Variants in CSMD1 observed in about 807,000 individuals in gnomAD.
CSMD1 encodes CUB and Sushi multiple domains 1, also known as CUB and sushi domain-containing protein 1.
CSMD1 carries 213 observed loss-of-function variants against 417.5 expected under a neutral mutation model. That is an observed-to-expected ratio of 0.51 (90% CI 0.46 to 0.57). The LOEUF (loss-of-function observed/expected upper bound fraction) is 0.57. CSMD1 is among the 20% of genes least tolerant of loss of function. The pLI is 0.00. For missense variants in CSMD1, 6,923 were observed against 4,529.7 expected (o/e 1.53, Z -15.17); for synonymous variants, 2,862 against 1,736.8 (o/e 1.65, Z -16.11).
intron 3 of CSMD1, among the ~76,000 whole-genome samples, chr8:4,238,217 A>C (rs986783493): frequency 6.6e-6 from 1 of 152,150 alleles, no homozygotes; most frequent in Non-Finnish European, 1.5e-5. Context: ...CCCACCCTAT[A>C]AAATGGGCTG....
At chr8:3,510,690 T>A (rs1797027845) in intron 10 of CSMD1, among the ~76,000 whole-genome samples, 1 of 151,944 alleles carries the variant, frequency 6.6e-6, no homozygotes, top group African/African-American at 2.4e-5. Context: ...TACTTTTTAA[T>A]GATTGCCATT....
chr8:3,497,488 C>A (rs188457128), intron 10 of CSMD1, among the ~76,000 whole-genome samples: 1 of 152,256 alleles, frequency 6.6e-6, no homozygotes, highest in African/African-American at 2.4e-5. Flanking sequence ...CTCACTGCAA[C>A]CTGTCTCCTG....
chr8:2,981,813 T>C (rs752599001), intron 54 of CSMD1, among the ~76,000 whole-genome samples: 3 of 152,092 alleles, frequency 2.0e-5, no homozygotes, highest in African/African-American at 7.2e-5. Flanking sequence ...ACAATGACAA[T>C]TGAACTAGAA....
chr8:3,661,609 G>C lies in CSMD1; in HGVS notation c.1010-44812C>G, dbSNP rs534746118. Among the ~76,000 whole-genome samples, 3 of 151,912 alleles carry C rather than the reference G, an allele frequency of 2.0e-5. No individual in the cohort carries two copies. The South Asian group carries it at 6.2e-4, about 32-fold the overall frequency. On this transcript the variant is annotated intron_variant, in intron 7 of 69. Transcript: ENST00000635120. ...CCTCCCGGGTTCAAGTGATTCTCCC[G>C]CCTCAGCCTCCCAAGTAGTTGGCAT...
chr8:4,929,815 A>T (rs1807125020), intron 1 of CSMD1, among the ~76,000 whole-genome samples: 1 of 152,174 alleles, frequency 6.6e-6, no homozygotes, highest in Non-Finnish European at 1.5e-5. Context: ...CCACAACCAC[A>T]TTCCCTCACT....
At chr8:4,183,524 T>A (rs1057107967) in intron 3 of CSMD1, among the ~76,000 whole-genome samples, 4 of 152,216 alleles carry the variant, frequency 2.6e-5, no homozygotes, top group African/African-American at 9.6e-5. Flanking sequence ...CAGACATTAC[T>A]GGTTTATTTG....
intron 4 of CSMD1, among the ~76,000 whole-genome samples, chr8:4,028,060 T>C (rs977539467): frequency 3.9e-5 from 6 of 152,112 alleles, no homozygotes; most frequent in Non-Finnish European, 8.8e-5. Flanking sequence ...GCCACCACTG[T>C]TTTGACAACA....
intron 21 of CSMD1, 136 bp from the exon 22 acceptor site, chr8:3,348,297 G>C (rs1368548254): frequency 1.6e-5 from 10 of 635,730 alleles, no homozygotes; most frequent in South Asian, 1.1e-4. Context: ...TTTCAAAATA[G>C]ATCAGTGATT....
At chr8:4,142,548 A>G (rs934824596) in intron 3 of CSMD1, among the ~76,000 whole-genome samples, 5 of 151,356 alleles carry the variant, frequency 3.3e-5, no homozygotes, top group African/African-American at 4.9e-5. Context: ...ATGTTCAGAC[A>G]CTAAAATGAC....
rs748294805 is a variant in CSMD1, at chr8:3,181,232, G to A, written c.5621-18C>T. On this transcript the variant is annotated intron_variant, in intron 36 of 69. Coordinates refer to ENST00000635120, the MANE Select transcript of CSMD1 (RefSeq NM_033225.6). Reference sequence around the variant, plus strand: ...TGTGGTGCCTGTAAGAAACAATGCAGATAGAATTGTAACACTACAAATACA... The same window carrying A: ...TGTGGTGCCTGTAAGAAACAATGCAAATAGAATTGTAACACTACAAATACA... 6.6e-7 allele frequency: 1 copy of A among 1,522,770 alleles called. No individual in the cohort carries two copies. Among genetic ancestry groups the A allele is most frequent in the Non-Finnish European group, 9.1e-7 (1 of 1,098,408 alleles). 94.3% of individuals were successfully genotyped at this position (1,522,770 alleles called of 1,614,324 possible).
chr8:3,142,840 G>A (rs1818588559), intron 40 of CSMD1, among the ~76,000 whole-genome samples, 166 bp from the exon 41 acceptor site: 1 of 152,190 alleles, frequency 6.6e-6, no homozygotes, highest in Non-Finnish European at 1.5e-5. Context: ...GCAAACCCTG[G>A]CTCCATCTTA....
At chr8:4,191,444 A>G (rs1799027265) in intron 3 of CSMD1, among the ~76,000 whole-genome samples, 1 of 152,006 alleles carries the variant, frequency 6.6e-6, no homozygotes, top group Non-Finnish European at 1.5e-5. Flanking sequence ...ACAAAAAACA[A>G]ACTAAAAAAA....
chr8:3,733,197 ACACACACACT>A (rs1280852416), intron 6 of CSMD1, among the ~76,000 whole-genome samples: 28 of 127,922 alleles, frequency 2.2e-4, no homozygotes, highest in East Asian at 1.0e-3. Flanking sequence ...ACACACACAC[ACACACACACT>A]CTCTCTCTCT....
At chr8:3,490,732 C>G (rs899473408) in intron 11 of CSMD1, among the ~76,000 whole-genome samples, 9 of 152,174 alleles carry the variant, frequency 5.9e-5, no homozygotes, top group African/African-American at 1.9e-4. Flanking sequence ...AGGCCCCTTT[C>G]TATCCACTGT....
At chr8:4,259,431 C>T (rs1260452208) in intron 3 of CSMD1, among the ~76,000 whole-genome samples, 2 of 152,060 alleles carry the variant, frequency 1.3e-5, no homozygotes, top group Non-Finnish European at 2.9e-5. Flanking sequence ...ATACCAGGAC[C>T]CATCCCAGCG....
At chr8:3,675,582 G>C (rs1041168702) in intron 7 of CSMD1, among the ~76,000 whole-genome samples, 6 of 152,004 alleles carry the variant, frequency 3.9e-5, no homozygotes, top group African/African-American at 1.4e-4. Context: ...ATGCAGACAC[G>C]AGGGTTGATA....
chr8:3,734,923 T>C (rs1796451423), intron 6 of CSMD1, among the ~76,000 whole-genome samples: 1 of 152,174 alleles, frequency 6.6e-6, no homozygotes, highest in African/African-American at 2.4e-5. Flanking sequence ...ACATAACTCT[T>C]CTTTTACTTC....
intron 2 of CSMD1, among the ~76,000 whole-genome samples, chr8:4,463,458 G>C (rs570826020): frequency 6.6e-6 from 1 of 152,132 alleles, no homozygotes; most frequent in Non-Finnish European, 1.5e-5. Context: ...AAATTTGTAT[G>C]CAAATGGTTA....
chr8:3,889,118 T>G (rs1444674175), intron 5 of CSMD1, among the ~76,000 whole-genome samples: 1 of 151,990 alleles, frequency 6.6e-6, no homozygotes, highest in African/African-American at 2.4e-5. Context: ...GTTAGAAGTT[T>G]TACTCCCAAT....
Sources: gnomAD v4.1 joint callset for allele counts (sites outside exome capture counted in the v4.1 genomes callset) on GRCh38, gnomAD v4.1.1 for gene constraint, MANE v1.5 for transcripts, NCBI Gene and HGNC (gene_info 2026-07-23, HGNC 2026-07-21) for gene names.